The following CDH18 variants were observed in gnomAD, a reference collection of about 807,000 sequenced individuals.
CDH18 encodes the protein cadherin 18.
CDH18 carries 31 observed loss-of-function variants against 67.9 expected under a neutral mutation model. The ratio of observed to expected loss-of-function variants is 0.46; its 90% CI spans 0.34 to 0.62. The LOEUF is 0.62. CDH18 is among the 20% of genes least tolerant of loss of function. The probability of loss-of-function intolerance (pLI) is 0.01; values close to 1 mark genes in which losing one functional copy is unlikely to be tolerated. For synonymous variants in CDH18, 362 were observed against 347.2 expected, an observed-to-expected ratio of 1.04 and a Z score of -0.48; for missense variants, 890 against 975.5, an observed-to-expected ratio of 0.91 and a Z score of 1.17.
intron 8 of CDH18, among the ~76,000 whole-genome samples, chr5:19,549,637 TGGAGGGAGGGAGAGAGGGAAGGAAG>T (rs1207959757): frequency 3.1e-5 from 3 of 98,222 alleles, no homozygotes; most frequent in Non-Finnish European, 5.8e-5. Context: ...GGAAGAAAAA[TGGAGGGAGGGAGAGAGGGAAGGAAG>T]GGAGGGAGGG....
At chr5:20,295,703 G>A (rs1481822652) in intron 1 of CDH18, among the ~76,000 whole-genome samples, 2 of 151,218 alleles carry the variant, frequency 1.3e-5, no homozygotes, top group South Asian at 2.1e-4. Flanking sequence ...CTCTAGCCTC[G>A]GCGACAGGTC....
intron 2 of CDH18, among the ~76,000 whole-genome samples, chr5:20,208,384 A>C (rs1252614365): frequency 6.6e-6 from 1 of 152,066 alleles, no homozygotes; most frequent in Admixed American, 6.6e-5. Context: ...GATCACAAAC[A>C]TGTGGGGATT....
At position 20,528,072 on chromosome 5, in the gene CDH18, C is replaced by A. The variant is rs555112161; in HGVS notation, c.-580+47390G>T. On this transcript the variant is annotated intron_variant, in intron 1 of 14. Coordinates refer to the CDH18 transcript ENST00000507958. ...AAATAAAGGGATGGAGGAAAATTTACCAAGCAAATGAAAAGCAGAAAAAAG... is the reference window on the plus strand; with the variant it reads ...AAATAAAGGGATGGAGGAAAATTTAACAAGCAAATGAAAAGCAGAAAAAAG... Among the ~76,000 whole-genome samples, 4 of 152,062 alleles carry A rather than the reference C, an allele frequency of 2.6e-5. 2 individuals carry two copies. Among genetic ancestry groups the A allele is most frequent in the African/African-American group, 9.7e-5 (4 of 41,440 alleles).
At chr5:20,575,431 A>T (rs988457675) in intron 1 of CDH18, 4 of 152,204 alleles carry the variant, frequency 2.6e-5, no homozygotes, top group African/African-American at 7.2e-5. Flanking sequence ...AATTAAAAAG[A>T]AATCCAGAGA....
At chr5:19,974,288 T>C (rs919038095) in intron 2 of CDH18, among the ~76,000 whole-genome samples, 4 of 151,744 alleles carry the variant, frequency 2.6e-5, no homozygotes, top group African/African-American at 9.7e-5. Context: ...TTCCACCAAT[T>C]TGGGAGGCCG....
chr5:19,806,734 C>T (rs1052396328), intron 3 of CDH18, among the ~76,000 whole-genome samples: 2 of 152,126 alleles, frequency 1.3e-5, no homozygotes, highest in Non-Finnish European at 2.9e-5. Flanking sequence ...TTTCCTATTG[C>T]CTATTAACTC....
intron 5 of CDH18, among the ~76,000 whole-genome samples, chr5:19,616,736 T>C (rs944766431): frequency 1.3e-5 from 2 of 152,108 alleles, no homozygotes; most frequent in Non-Finnish European, 2.9e-5. Context: ...CAAAATACCA[T>C]AGGCTGGGTG....
At chr5:20,058,458 A>C (rs2150504522) in intron 2 of CDH18, among the ~76,000 whole-genome samples, 1 of 152,246 alleles carries the variant, frequency 6.6e-6, no homozygotes, top group African/African-American at 2.4e-5. Flanking sequence ...AATGAAGGGA[A>C]AAACTTAATT....
Position 20,441,290 on chromosome 5 carries a change from C to T in CDH18, c.-580+134172G>A, listed in dbSNP as rs191635503. 1.5e-3 allele frequency among the ~76,000 whole-genome samples: 222 copies of T among 151,892 alleles called. 5 individuals are homozygous for T. The highest frequency in any genetic ancestry group is 5.2e-3 in the African/African-American group (215 of 41,218). The stretch of plus-strand genomic sequence containing the variant: ...AATAAATATGAAAATGGAGATAAAA[C>T]CACAATTTATTTCACAGTTATGCTG... On this transcript the variant is annotated intron_variant, in intron 1 of 14. Coordinates refer to the CDH18 transcript ENST00000507958.
intron 1 of CDH18, among the ~76,000 whole-genome samples, chr5:20,295,004 TTAA>T (rs1316759138): frequency 1.3e-5 from 2 of 152,130 alleles, no homozygotes; most frequent in Admixed American, 6.6e-5. Context: ...GTAATTTTAC[TTAA>T]TAAAAAATTA....
At position 20,510,143 on chromosome 5, in the gene CDH18, G is replaced by A. The variant is rs76306616; in HGVS notation, c.-580+65319C>T. 3.2e-4 allele frequency among the ~76,000 whole-genome samples: 49 copies of A among 152,212 alleles called. No homozygotes were observed. In the East Asian group the frequency reaches 9.3e-3, roughly 29 times the overall value. On this transcript the variant is annotated intron_variant, in intron 1 of 14. Transcript: ENST00000507958. ...TAATTTGCATTTCCTGATGACTAGTGATGTTGAAATTTTTTTTCATAGGCC... is the reference window on the plus strand; with the variant it reads ...TAATTTGCATTTCCTGATGACTAGTAATGTTGAAATTTTTTTTCATAGGCC...
intron 2 of CDH18, among the ~76,000 whole-genome samples, chr5:19,965,744 G>T (rs1473580351): frequency 6.7e-6 from 1 of 148,378 alleles, no homozygotes; most frequent in African/African-American, 2.6e-5. Flanking sequence ...AGAGAGGCAG[G>T]TAGAAAGAGA....
At chr5:20,082,567 G>A (rs1469828214) in intron 2 of CDH18, among the ~76,000 whole-genome samples, 2 of 152,068 alleles carry the variant, frequency 1.3e-5, no homozygotes, top group African/African-American at 4.8e-5. Context: ...CTTTGATTTA[G>A]TTATGTTTCC....
chr5:20,172,212 A>ACACG (rs1192358410), intron 2 of CDH18, among the ~76,000 whole-genome samples: 13 of 50,710 alleles, frequency 2.6e-4, no homozygotes, highest in African/African-American at 1.0e-3. Context: ...ATATATATAT[A>ACACG]TATATATATA....
At chr5:20,131,770 G>GAAAA (rs1380621304) in intron 2 of CDH18, among the ~76,000 whole-genome samples, 10 of 152,102 alleles carry the variant, frequency 6.6e-5, no homozygotes, top group African/African-American at 2.4e-4. Context: ...CCACTTTAAG[G>GAAAA]ACATATTTTG....
chr5:19,836,443 T>C (rs1477532270), intron 3 of CDH18, among the ~76,000 whole-genome samples: 1 of 152,202 alleles, frequency 6.6e-6, no homozygotes, highest in Admixed American at 6.5e-5. Context: ...TCTTCATATG[T>C]TTGTTGGCTG....
In CDH18 at chr5:20,237,439, T is replaced by C. The variant is rs997100960; in HGVS notation, c.-518+18005A>G. ...TCCATGTAGAAAAATTGATTGAAAC[T>C]ATAAAAAAGTAGTATACTTAATAAC... On this transcript the variant is annotated intron_variant, in intron 2 of 14. Coordinates refer to the CDH18 transcript ENST00000507958. Among the ~76,000 whole-genome samples, 13 of 152,006 alleles carry C rather than the reference T, an allele frequency of 8.6e-5. No homozygotes were observed. In the East Asian group the frequency reaches 2.5e-3, roughly 29 times the overall value.
intron 8 of CDH18, among the ~76,000 whole-genome samples, chr5:19,548,876 G>A (rs1036497970): frequency 8.6e-5 from 13 of 150,638 alleles, no homozygotes; most frequent in Admixed American, 7.3e-4. Context: ...TCAGCCTCCC[G>A]AGTAGCTGGA....
At chr5:19,543,640 T>G (rs1412143525) in intron 9 of CDH18, among the ~76,000 whole-genome samples, 1 of 152,074 alleles carries the variant, frequency 6.6e-6, no homozygotes, top group East Asian at 1.9e-4. Context: ...GAGGCATAAG[T>G]GTTCTGTGAT....
Sources: gnomAD v4.1 joint callset for allele counts (sites outside exome capture counted in the v4.1 genomes callset) on GRCh38, gnomAD v4.1.1 for gene constraint, MANE v1.5 for transcripts, NCBI Gene and HGNC (gene_info 2026-07-23, HGNC 2026-07-21) for gene names.